The following B3GALT1 variants were observed in gnomAD, a reference collection of about 807,000 sequenced individuals.
The protein encoded by B3GALT1 is beta-1,3-galactosyltransferase 1.
A neutral mutation model predicts 23.2 loss-of-function variants in B3GALT1; 10 were observed. The ratio of observed to expected loss-of-function variants is 0.43; its 90% CI spans 0.27 to 0.73. The LOEUF is 0.73. B3GALT1 is among the 30% of genes least tolerant of loss of function. The pLI is 0.21. For synonymous variants in B3GALT1, 156 were observed against 141.5 expected, an observed-to-expected ratio of 1.10 and a Z score of -0.73; for missense variants, 299 against 405.4, an observed-to-expected ratio of 0.74 and a Z score of 2.25.
chr2:167,763,313 GC>G (rs1687923905), intron 3 of B3GALT1, among the ~76,000 whole-genome samples: 1 of 152,064 alleles, frequency 6.6e-6, no homozygotes, highest in Non-Finnish European at 1.5e-5. Flanking sequence ...CCTTTAGTTG[GC>G]CTTTTCTCTA....
intron 3 of B3GALT1, among the ~76,000 whole-genome samples, chr2:167,817,920 C>T (rs1012869556): frequency 6.6e-6 from 1 of 152,174 alleles, no homozygotes; most frequent in Non-Finnish European, 1.5e-5. Flanking sequence ...CAGCCAGTGG[C>T]AGAGTGGTCA....
chr2:167,700,354 T>G (rs1686859585), intron 3 of B3GALT1, among the ~76,000 whole-genome samples: 1 of 152,052 alleles, frequency 6.6e-6, no homozygotes, highest in Non-Finnish European at 1.5e-5. Context: ...TCTGTTAGAG[T>G]TTTTTGTTAT....
In B3GALT1 at chr2:167,873,414, C is replaced by T. The variant is rs375751299; in HGVS notation, c.*3394C>T. On this transcript the variant is annotated 3_prime_UTR_variant, in exon 5 of 5. Coordinates refer to ENST00000392690, the MANE Select transcript of B3GALT1 (RefSeq NM_020981.4). ...AATTCAGAAGAATAAAACCCCTTTG[C>T]GTGACACGATATGGGGAAAATAAAC... 22 of 152,020 alleles carry T rather than the reference C, an allele frequency of 1.4e-4. No homozygotes were observed. Among genetic ancestry groups the T allele is most frequent in the African/African-American group, 5.3e-4 (22 of 41,366 alleles). The allele number at this position is 152,020 out of a possible 1,614,324, so 9.4% of individuals were successfully genotyped here.
intron 3 of B3GALT1, among the ~76,000 whole-genome samples, chr2:167,788,361 T>A (rs945507945): frequency 1.3e-5 from 2 of 151,984 alleles, no homozygotes; most frequent in Non-Finnish European, 2.9e-5. Flanking sequence ...TTGTAATATA[T>A]AAGGGAATCA....
At chr2:167,789,046 G>A (rs1688390987) in intron 3 of B3GALT1, among the ~76,000 whole-genome samples, 1 of 152,134 alleles carries the variant, frequency 6.6e-6, no homozygotes, top group African/African-American at 2.4e-5. Context: ...TCCTGTAACA[G>A]CTCCCTCGAT....
intron 2 of B3GALT1, among the ~76,000 whole-genome samples, chr2:167,603,596 T>C (rs1684911029): frequency 1.3e-5 from 2 of 152,344 alleles, no homozygotes; most frequent in Admixed American, 1.3e-4. Context: ...ACATGCTGGT[T>C]ATCTAAATAT....
intron 2 of B3GALT1, among the ~76,000 whole-genome samples, chr2:167,538,379 A>G (rs905200973): frequency 4.6e-5 from 7 of 152,250 alleles, no homozygotes; most frequent in African/African-American, 1.2e-4. Flanking sequence ...ATGTGCATGT[A>G]TCTACATATA....
intron 3 of B3GALT1, among the ~76,000 whole-genome samples, chr2:167,751,131 T>C (rs1687728829): frequency 1.3e-5 from 2 of 152,180 alleles, no homozygotes; most frequent in Non-Finnish European, 2.9e-5. Context: ...ATTTGGCTTG[T>C]GCATCATGGT....
intron 2 of B3GALT1, among the ~76,000 whole-genome samples, chr2:167,492,948 T>C (rs1005933917): frequency 1.3e-5 from 2 of 151,988 alleles, no homozygotes; most frequent in Non-Finnish European, 2.9e-5. Context: ...AGGCAAAGAC[T>C]CTTTTAATAA....
intron 1 of B3GALT1, among the ~76,000 whole-genome samples, chr2:167,336,707 C>T (rs919775896): frequency 2.6e-5 from 4 of 152,066 alleles, no homozygotes; most frequent in East Asian, 1.9e-4. Flanking sequence ...AGTCTATAAA[C>T]CGGAAGATGC....
chr2:167,544,579 G>A (rs1683593665), intron 2 of B3GALT1, among the ~76,000 whole-genome samples: 1 of 152,182 alleles, frequency 6.6e-6, no homozygotes, highest in African/African-American at 2.4e-5. Flanking sequence ...TTACAGGCGT[G>A]AGCCTCTGCA....
At chr2:167,705,305 A>G (rs1218607415) in intron 3 of B3GALT1, among the ~76,000 whole-genome samples, 2 of 152,216 alleles carry the variant, frequency 1.3e-5, no homozygotes, top group African/African-American at 4.8e-5. Flanking sequence ...GACCCAAAAG[A>G]AAAACTTATC....
intron 3 of B3GALT1, among the ~76,000 whole-genome samples, chr2:167,812,016 TATC>T (rs1406552502): frequency 6.6e-6 from 1 of 152,256 alleles, no homozygotes; most frequent in African/African-American, 2.4e-5. Context: ...CCATTTTCCC[TATC>T]AACAGATAAC....
At chr2:167,809,862 G>T (rs949139285) in intron 3 of B3GALT1, among the ~76,000 whole-genome samples, 1 of 152,018 alleles carries the variant, frequency 6.6e-6, no homozygotes. Flanking sequence ...CTTTTGTTTG[G>T]CTATGTCCTG....
chr2:167,327,821 C>T (rs1054825338), intron 1 of B3GALT1, among the ~76,000 whole-genome samples: 1 of 152,126 alleles, frequency 6.6e-6, no homozygotes, highest in Non-Finnish European at 1.5e-5. Flanking sequence ...GAAAGGCTTT[C>T]AAATTTTCCC....
intron 1 of B3GALT1, among the ~76,000 whole-genome samples, chr2:167,406,764 C>G (rs1176958462): frequency 1.3e-5 from 2 of 152,186 alleles, no homozygotes; most frequent in East Asian, 3.9e-4. Flanking sequence ...AAATCAGACT[C>G]AGCAACACCA....
At chr2:167,764,613 G>A (rs1687946619) in intron 3 of B3GALT1, among the ~76,000 whole-genome samples, 2 of 152,116 alleles carry the variant, frequency 1.3e-5, no homozygotes, top group Non-Finnish European at 2.9e-5. Context: ...AGTTTAATAA[G>A]TTTTATAATT....
intron 2 of B3GALT1, among the ~76,000 whole-genome samples, chr2:167,545,129 G>A (rs901705323): frequency 1.4e-5 from 2 of 140,800 alleles, no homozygotes; most frequent in African/African-American, 5.4e-5. Flanking sequence ...CTGCCTCCCG[G>A]GTTCATGCCA....
intron 2 of B3GALT1, among the ~76,000 whole-genome samples, chr2:167,576,367 T>C (rs1392791619): frequency 6.6e-6 from 1 of 151,816 alleles, no homozygotes; most frequent in Non-Finnish European, 1.5e-5. Context: ...TAGTGTACTT[T>C]GAAACTTTAA....
Sources: allele counts gnomAD v4.1 joint callset (sites outside exome capture counted in the v4.1 genomes callset), GRCh38; gene constraint gnomAD v4.1.1; transcripts MANE v1.5; gene names NCBI Gene and HGNC (gene_info 2026-07-23, HGNC 2026-07-21).